HTR2C: variants seen among roughly 807,000 people sequenced by gnomAD.
The protein encoded by HTR2C is 5-hydroxytryptamine (serotonin) receptor 2C, G protein-coupled.
A neutral mutation model predicts 21.0 loss-of-function variants in HTR2C; 5 were observed. That is an observed-to-expected ratio of 0.24 (90% CI 0.12 to 0.50). The LOEUF is 0.50. Among genes scored for constraint, HTR2C ranks in the 20% least tolerant of loss-of-function variants. The probability of loss-of-function intolerance (pLI) is 0.98; values close to 1 mark genes in which losing one functional copy is unlikely to be tolerated. For missense variants in HTR2C, 271 were observed against 371.2 expected, an observed-to-expected ratio of 0.73 and a Z score of 2.22; for synonymous variants, 150 against 145.3, an observed-to-expected ratio of 1.03 and a Z score of -0.23.
intron 2 of HTR2C, among the ~76,000 whole-genome samples, chrX:114,726,345 A>C (rs1556422021): frequency 8.9e-6 from 1 of 112,561 alleles, no homozygotes; most frequent in Non-Finnish European, 1.9e-5. Flanking sequence ...GCACTTCCCA[A>C]GTGAGGCAAT....
chrX:114,657,489 ATATT>A (rs1482465437), intron 2 of HTR2C, among the ~76,000 whole-genome samples: 2 of 111,066 alleles, frequency 1.8e-5, no homozygotes, highest in Admixed American at 9.6e-5. Context: ...TGAAAAGTAA[ATATT>A]TATCACCTGC....
At chrX:114,845,275 T>G (rs1354223223) in intron 4 of HTR2C, among the ~76,000 whole-genome samples, 2 of 110,064 alleles carry the variant, frequency 1.8e-5, no homozygotes, top group African/African-American at 6.6e-5. Flanking sequence ...AACCAATAAG[T>G]GAAAGAAGAA....
chrX:114,844,780 C>T (rs2070861633), intron 4 of HTR2C, among the ~76,000 whole-genome samples: 1 of 111,693 alleles, frequency 9.0e-6, no homozygotes, highest in Middle Eastern at 4.2e-3. Flanking sequence ...AAAAGAAGAA[C>T]ATCATCTATT....
At chrX:114,749,453 C>CAAAAA (rs782652879) in intron 4 of HTR2C, among the ~76,000 whole-genome samples, 8 of 41,900 alleles carry the variant, frequency 1.9e-4, no homozygotes, top group African/African-American at 2.2e-4. Flanking sequence ...GTCCATGTCT[C>CAAAAA]AAAAAAAAAA....
At chrX:114,589,591 C>A in intron 1 of HTR2C, 1 of 155,868 alleles carries the variant, frequency 6.4e-6, no homozygotes, top group Non-Finnish European at 1.3e-5. Context: ...TCGTTTATCT[C>A]TTTCCGTACC....
intron 2 of HTR2C, among the ~76,000 whole-genome samples, chrX:114,639,155 C>T (rs1929987385): frequency 9.0e-6 from 1 of 111,666 alleles, no homozygotes; most frequent in Non-Finnish European, 1.9e-5. Flanking sequence ...AAGGGCTTCT[C>T]CTATTACAAA....
intron 2 of HTR2C, among the ~76,000 whole-genome samples, chrX:114,721,578 A>T (rs1245734662): frequency 9.4e-6 from 1 of 105,891 alleles, no homozygotes; most frequent in Non-Finnish European, 1.9e-5. Context: ...TGTTTTGGAC[A>T]TGAAGTCCTT....
chrX:114,815,989 C>T (rs1369998152), intron 4 of HTR2C, among the ~76,000 whole-genome samples: 3 of 110,704 alleles, frequency 2.7e-5, no homozygotes, highest in African/African-American at 9.8e-5. Context: ...TCACTCTCTT[C>T]CCTCTCCAGC....
At chrX:114,601,268 T>G (rs1556394247) in intron 1 of HTR2C, among the ~76,000 whole-genome samples, 1 of 111,137 alleles carries the variant, frequency 9.0e-6, no homozygotes, top group East Asian at 2.8e-4. Flanking sequence ...CCAGATAACT[T>G]TTTTCATGTG....
intron 3 of HTR2C, among the ~76,000 whole-genome samples, chrX:114,727,395 G>A (rs2069493112): frequency 9.0e-6 from 1 of 111,618 alleles, no homozygotes; most frequent in Admixed American, 9.6e-5. Flanking sequence ...AGGGGATAGG[G>A]CTTGGCGATG....
At chrX:114,770,346 T>C (rs1452535718) in intron 4 of HTR2C, among the ~76,000 whole-genome samples, 2 of 111,545 alleles carry the variant, frequency 1.8e-5, no homozygotes, top group African/African-American at 6.5e-5. Context: ...TATGCATAAT[T>C]TGATGGTGTC....
chrX:114,851,989 A>G (rs1224039272), intron 5 of HTR2C, among the ~76,000 whole-genome samples: 8 of 111,021 alleles, frequency 7.2e-5, no homozygotes, highest in Non-Finnish European at 1.5e-4. Flanking sequence ...TTGTCCCCAA[A>G]CCATTGATAT....
intron 4 of HTR2C, among the ~76,000 whole-genome samples, chrX:114,754,689 A>C (rs924789784): frequency 6.3e-5 from 7 of 111,353 alleles, no homozygotes; most frequent in Non-Finnish European, 1.1e-4. Context: ...GAAAAAAAAA[A>C]CACAAAATTT....
chrX:114,749,453 C>CAAAAAAAAAAAAAAAAAAAAAAAAAAA (rs782652879), intron 4 of HTR2C, among the ~76,000 whole-genome samples: 1 of 41,906 alleles, frequency 2.4e-5, no homozygotes. Context: ...GTCCATGTCT[C>CAAAAAAAAAAAAAAAAAAAAAAAAAAA]AAAAAAAAAA....
chrX:114,685,185 C>G (rs1246013001), intron 2 of HTR2C, among the ~76,000 whole-genome samples: 2 of 111,431 alleles, frequency 1.8e-5, no homozygotes, highest in African/African-American at 6.5e-5. Flanking sequence ...TTAATAAATT[C>G]CACTATAATG....
At chrX:114,591,588 C>A (rs1227587043) in intron 1 of HTR2C, among the ~76,000 whole-genome samples, 1 of 111,654 alleles carries the variant, frequency 9.0e-6, no homozygotes, top group Non-Finnish European at 1.9e-5. Context: ...CTTCTACTAC[C>A]AAACCTCAGC....
intron 2 of HTR2C, among the ~76,000 whole-genome samples, chrX:114,626,420 T>C (rs1221522840): frequency 1.9e-5 from 2 of 104,311 alleles, no homozygotes; most frequent in Non-Finnish European, 3.9e-5. Context: ...GAAAGAAATA[T>C]GGAACTGGAA....
chrX:114,751,920 C>G (rs1366091311), intron 4 of HTR2C, among the ~76,000 whole-genome samples: 6 of 111,346 alleles, frequency 5.4e-5, no homozygotes, highest in Admixed American at 9.6e-5. Flanking sequence ...TACCTGGGCT[C>G]TACTTTTCAT....
intron 5 of HTR2C, among the ~76,000 whole-genome samples, chrX:114,853,565 C>T (rs2070936887): frequency 9.0e-6 from 1 of 111,568 alleles, no homozygotes; most frequent in Admixed American, 9.5e-5. Flanking sequence ...AAAACTAATT[C>T]TTCCATTGTC....
Sources: gnomAD v4.1 joint callset for allele counts (sites outside exome capture counted in the v4.1 genomes callset) on GRCh38, gnomAD v4.1.1 for gene constraint, MANE v1.5 for transcripts, NCBI Gene and HGNC (gene_info 2026-07-23, HGNC 2026-07-21) for gene names.